The following CNBD1 variants were observed in gnomAD, a reference collection of about 807,000 sequenced individuals.
CNBD1 encodes cyclic nucleotide-binding domain-containing protein 1.
Under a neutral mutation model 54.4 loss-of-function variants are expected in CNBD1, and 71 were observed. That is an observed-to-expected ratio of 1.30 (90% CI 1.08 to 1.59). The LOEUF is 1.59. Ranked by LOEUF, CNBD1 falls within the 40% of genes most tolerant of loss-of-function variation. CNBD1 has a pLI of 0.00. For missense variants in CNBD1, 659 were observed against 518.0 expected (o/e 1.27, Z -2.64); for synonymous variants, 182 against 170.7 (o/e 1.07, Z -0.51).
intron 1 of CNBD1, among the ~76,000 whole-genome samples, chr8:86,875,843 A>T (rs546015609): frequency 6.6e-6 from 1 of 152,162 alleles, no homozygotes; most frequent in African/African-American, 2.4e-5. Flanking sequence ...AAAAATTTCA[A>T]CTTATTGTGG....
intron 6 of CNBD1, among the ~76,000 whole-genome samples, chr8:87,249,443 A>G (rs1807869190): frequency 1.3e-5 from 2 of 152,092 alleles, no homozygotes; most frequent in Non-Finnish European, 2.9e-5. Flanking sequence ...CCCTTAGGGT[A>G]GAGGATGCTT....
In CNBD1 at chr8:87,236,976, A is replaced by AT. The variant is rs748460241; in HGVS notation, c.635_636insT (p.Val213ArgfsTer3). ...AAAGGCCTAGCTCGACCTCAAACAAACGTGTATAAAAATCTGATTGAAGGA... is the reference window on the plus strand; with the variant it reads ...AAAGGCCTAGCTCGACCTCAAACAAATCGTGTATAAAAATCTGATTGAAGGA... On this transcript the variant is annotated frameshift_variant, in exon 6 of 11. Coordinates refer to ENST00000518476, the MANE Select transcript of CNBD1 (RefSeq NM_173538.3). LOFTEE classifies it high-confidence loss of function. The AT allele has an allele frequency of 6.2e-7, 1 of 1,612,572 alleles. No individual in the cohort carries two copies. Among genetic ancestry groups the AT allele is most frequent in the Non-Finnish European group, 8.5e-7 (1 of 1,178,994 alleles).
At chr8:87,401,076 G>A (rs1216801838) in intron 2 of CNBD1, among the ~76,000 whole-genome samples, 1 of 151,988 alleles carries the variant, frequency 6.6e-6, no homozygotes, top group African/African-American at 2.4e-5. Flanking sequence ...AGAGTGATTA[G>A]TGTACAAAAG....
intron 4 of CNBD1, among the ~76,000 whole-genome samples, chr8:87,016,051 G>A (rs1478003639): frequency 4.0e-5 from 6 of 148,450 alleles, no homozygotes; most frequent in Admixed American, 1.3e-4. Flanking sequence ...TATGTATCAC[G>A]TGGAAGTAAT....
At chr8:86,915,998 A>C (rs1271368069) in intron 3 of CNBD1, among the ~76,000 whole-genome samples, 1 of 152,172 alleles carries the variant, frequency 6.6e-6, no homozygotes, top group South Asian at 2.1e-4. Context: ...TTAACTTTTG[A>C]TGTATCTTCC....
At chr8:87,303,168 T>C (rs142378144) in intron 8 of CNBD1, among the ~76,000 whole-genome samples, 56,579 of 150,074 alleles carry the variant, frequency 0.38, 10,906 homozygotes, top group Middle Eastern at 0.45. Flanking sequence ...AAAAAGAGCC[T>C]GCATTGCCAA....
intron 8 of CNBD1, among the ~76,000 whole-genome samples, chr8:87,309,710 T>C (rs942488596): frequency 3.5e-4 from 54 of 152,310 alleles, no homozygotes; most frequent in African/African-American, 1.1e-3. Flanking sequence ...TATTTATGTC[T>C]ATATATAATC....
In CNBD1 at chr8:86,936,406, A is replaced by G. The variant is rs191533915; in HGVS notation, c.273-3190A>G. Among the ~76,000 whole-genome samples the G allele has an allele frequency of 4.6e-4, 70 of 152,260 alleles. No individual in the cohort carries two copies. In the East Asian group the frequency reaches 0.013, roughly 28 times the overall value. On this transcript the variant is annotated intron_variant, in intron 3 of 10. Coordinates refer to ENST00000518476, the MANE Select transcript of CNBD1 (RefSeq NM_173538.3). ...TACAAATGTTATGTATTTTGGAAAA[A>G]TCTTATCATGGAACATGTAGAATTT...
intron 4 of CNBD1, among the ~76,000 whole-genome samples, chr8:86,968,714 A>G (rs1369336848): frequency 6.6e-6 from 1 of 152,228 alleles, no homozygotes; most frequent in Non-Finnish European, 1.5e-5. Context: ...CTTTCACTTA[A>G]TATACAGTTT....
intron 6 of CNBD1, among the ~76,000 whole-genome samples, chr8:87,283,297 T>G (rs926859884): frequency 3.9e-5 from 6 of 152,098 alleles, no homozygotes; most frequent in Non-Finnish European, 8.8e-5. Context: ...GTCTACACAT[T>G]TTAAATATTT....
chr8:87,033,927 CT>C (rs1370553444), intron 4 of CNBD1, among the ~76,000 whole-genome samples: 2 of 151,974 alleles, frequency 1.3e-5, no homozygotes, highest in African/African-American at 4.8e-5. Context: ...CACATAATGA[CT>C]TAGCTTTTTC....
At chr8:87,050,519 G>A (rs1810289741) in intron 4 of CNBD1, among the ~76,000 whole-genome samples, 1 of 152,206 alleles carries the variant, frequency 6.6e-6, no homozygotes, top group Non-Finnish European at 1.5e-5. Context: ...CCAAACAAGT[G>A]AGGGCTGTCT....
intron 2 of CNBD1, among the ~76,000 whole-genome samples, chr8:87,426,925 T>C (rs1808061191): frequency 6.6e-6 from 1 of 152,204 alleles, no homozygotes; most frequent in Non-Finnish European, 1.5e-5. Flanking sequence ...CCAATCATCC[T>C]TTCTCAATTA....
At chr8:86,944,144 AG>A (rs1462546685) in intron 4 of CNBD1, among the ~76,000 whole-genome samples, 1 of 152,248 alleles carries the variant, frequency 6.6e-6, no homozygotes, top group East Asian at 1.9e-4. Flanking sequence ...TTTCAGAAGA[AG>A]GGGGAAATGA....
intron 4 of CNBD1, among the ~76,000 whole-genome samples, chr8:87,087,821 T>C (rs56276032): frequency 6.6e-6 from 1 of 152,146 alleles, no homozygotes; most frequent in African/African-American, 2.4e-5. Context: ...ACCTGAGAGA[T>C]CACTGAGTTT....
At chr8:87,202,682 G>T (rs140856783) in intron 4 of CNBD1, among the ~76,000 whole-genome samples, 1 of 152,164 alleles carries the variant, frequency 6.6e-6, no homozygotes, top group African/African-American at 2.4e-5. Context: ...CCTGGGGGTT[G>T]GGGTGAGGTC....
At chr8:87,331,571 T>C (rs1231129818) in intron 8 of CNBD1, among the ~76,000 whole-genome samples, 1 of 152,236 alleles carries the variant, frequency 6.6e-6, no homozygotes, top group Non-Finnish European at 1.5e-5. Flanking sequence ...CCTCTGGTTA[T>C]ATACCCAGTA....
intron 6 of CNBD1, among the ~76,000 whole-genome samples, chr8:87,277,126 G>A (rs1808499442): frequency 1.3e-5 from 2 of 151,236 alleles, no homozygotes; most frequent in Non-Finnish European, 3.0e-5. Flanking sequence ...TTATTATAAG[G>A]AATTAGCTCA....
At chr8:86,902,696 C>T (rs1808956569) in intron 2 of CNBD1, among the ~76,000 whole-genome samples, 1 of 151,862 alleles carries the variant, frequency 6.6e-6, no homozygotes, top group Non-Finnish European at 1.5e-5. Context: ...AATGAAGTGG[C>T]AACTTCTTTG....
Sources: allele counts gnomAD v4.1 joint callset (sites outside exome capture counted in the v4.1 genomes callset), GRCh38; gene constraint gnomAD v4.1.1; transcripts MANE v1.5; gene names NCBI Gene and HGNC (gene_info 2026-07-23, HGNC 2026-07-21).